CDH4: variants seen among roughly 807,000 people sequenced by gnomAD.
CDH4 encodes cadherin-4.
In CDH4, 33 loss-of-function variants were observed where a neutral mutation model predicts 86.0. The observed-to-expected ratio is 0.38, with a 90% CI of 0.29 to 0.51. The LOEUF is 0.51. Among genes scored for constraint, CDH4 ranks in the 20% least tolerant of loss-of-function variants. The probability of loss-of-function intolerance (pLI) is 0.86; values close to 1 mark genes in which losing one functional copy is unlikely to be tolerated. For synonymous variants in CDH4, 555 were observed against 549.4 expected (o/e 1.01, Z -0.14); for missense variants, 1,114 against 1,307.4 (o/e 0.85, Z 2.28).
At chr20:61,530,299 G>A (rs1181980051) in intron 2 of CDH4, among the ~76,000 whole-genome samples, 2 of 152,138 alleles carry the variant, frequency 1.3e-5, no homozygotes, top group Non-Finnish European at 2.9e-5. Context: ...CAAAGCACTG[G>A]GATTATAGGT....
chr20:61,279,487 C>T (rs1373676878), intron 2 of CDH4, among the ~76,000 whole-genome samples: 1 of 151,904 alleles, frequency 6.6e-6, no homozygotes, highest in Non-Finnish European at 1.5e-5. Flanking sequence ...GGCTCAGCTC[C>T]TAGGGGTGGG....
intron 4 of CDH4, among the ~76,000 whole-genome samples, chr20:61,797,002 G>A (rs921656340): frequency 5.9e-5 from 9 of 152,114 alleles, no homozygotes; most frequent in Non-Finnish European, 1.0e-4. Context: ...GCTCCCCACT[G>A]GGGAGGCAGT....
intron 14 of CDH4, among the ~76,000 whole-genome samples, chr20:61,933,437 G>A (rs73313558): frequency 0.01 from 1,575 of 152,336 alleles, 33 homozygotes; most frequent in African/African-American, 0.036. Context: ...ATGCCCACTC[G>A]CGGATGCTGC....
chr20:61,889,934 G>A (rs1471601661), intron 7 of CDH4, among the ~76,000 whole-genome samples: 1 of 150,090 alleles, frequency 6.7e-6, no homozygotes, highest in Non-Finnish European at 1.5e-5. Flanking sequence ...GATCGATGAT[G>A]GATGAGTGAG....
chr20:61,534,648 C>CTTTCTTTTTTTTTTTTTTTTTTTTTTTT (rs1568881693), intron 2 of CDH4, among the ~76,000 whole-genome samples: 3 of 108,384 alleles, frequency 2.8e-5, no homozygotes, highest in African/African-American at 1.6e-4. Context: ...TTCTTTCTTT[C>CTTTCTTTTTTTTTTTTTTTTTTTTTTTT]TTTTCTTTCT....
chr20:61,317,595 G>A (rs1236999300), intron 2 of CDH4, among the ~76,000 whole-genome samples: 1 of 152,144 alleles, frequency 6.6e-6, no homozygotes, highest in Non-Finnish European at 1.5e-5. Context: ...TGAGTCTGTG[G>A]TGGGGCGTCC....
At chr20:61,293,853 T>C (rs2084336797) in intron 2 of CDH4, among the ~76,000 whole-genome samples, 1 of 152,142 alleles carries the variant, frequency 6.6e-6, no homozygotes, top group African/African-American at 2.4e-5. Flanking sequence ...GGTGGCATCC[T>C]GGGGTGGGAG....
intron 2 of CDH4, among the ~76,000 whole-genome samples, chr20:61,649,364 A>G (rs1004859177): frequency 1.3e-5 from 2 of 152,184 alleles, no homozygotes; most frequent in Non-Finnish European, 2.9e-5. Flanking sequence ...CGTGTAGGCC[A>G]GGTGTGTGGC....
rs1445757964 is a variant in CDH4, at chr20:61,902,622, A to G, written c.1188+7575A>G. 1.3e-5 allele frequency among the ~76,000 whole-genome samples: 2 copies of G among 152,248 alleles called. No individual in the cohort carries two copies. Among genetic ancestry groups the G allele is most frequent in the Non-Finnish European group, 2.9e-5 (2 of 68,030 alleles). On this transcript the variant is annotated intron_variant, in intron 8 of 15. Transcript: ENST00000614565. This position sits in a 1 kb window ranked among gnomAD's most constrained non-coding sequence, Gnocchi z 4.6. ...TCCGAAACTCCGCCATTGTAGGACA[A>G]AAACAACCACAGACAAAACAGAAGC...
chr20:61,671,865 G>T (rs1245361449), intron 2 of CDH4, among the ~76,000 whole-genome samples: 5 of 150,988 alleles, frequency 3.3e-5, no homozygotes, highest in Admixed American at 6.6e-5. Flanking sequence ...TGGATGAATG[G>T]ATGGATGGAT....
chr20:61,692,771 C>T (rs987865151), intron 2 of CDH4, among the ~76,000 whole-genome samples: 2 of 152,126 alleles, frequency 1.3e-5, no homozygotes, highest in African/African-American at 4.8e-5. Flanking sequence ...TGATCAGAAA[C>T]ATTGATTTAG....
At chr20:61,351,099 C>T (rs1037780953) in intron 2 of CDH4, among the ~76,000 whole-genome samples, 3 of 152,148 alleles carry the variant, frequency 2.0e-5, no homozygotes, top group Non-Finnish European at 4.4e-5. Context: ...GCAGCCCGTG[C>T]TCAAGGCCTG....
intron 2 of CDH4, among the ~76,000 whole-genome samples, chr20:61,552,353 A>T (rs1026346128): frequency 6.6e-6 from 1 of 152,248 alleles, no homozygotes; most frequent in Admixed American, 6.5e-5. Flanking sequence ...ATGTCCAATA[A>T]ACACATAAAA....
Position 61,297,934 on chromosome 20 carries a change from C to T in CDH4, c.169+42997C>T, listed in dbSNP as rs541651648. On this transcript the variant is annotated intron_variant, in intron 2 of 15. Transcript: ENST00000614565. Reference sequence around the variant, plus strand: ...TCGCCTGTGGCCGTGGAGGTATCTGCGCCACCGCAAAATGCCTCACCCTTC... The same window carrying T: ...TCGCCTGTGGCCGTGGAGGTATCTGTGCCACCGCAAAATGCCTCACCCTTC... Among the ~76,000 whole-genome samples, 7 of 152,338 alleles carry T rather than the reference C, an allele frequency of 4.6e-5. No individual in the cohort carries two copies. The South Asian group carries it at 1.0e-3, about 23-fold the overall frequency.
chr20:61,716,839 C>T (rs1403224306), intron 2 of CDH4, among the ~76,000 whole-genome samples: 3 of 152,140 alleles, frequency 2.0e-5, no homozygotes, highest in South Asian at 2.1e-4. Context: ...ACCTGGGAGG[C>T]AGAGGTTGCA....
At chr20:61,683,710 T>C (rs561265650) in intron 2 of CDH4, among the ~76,000 whole-genome samples, 1 of 152,376 alleles carries the variant, frequency 6.6e-6, no homozygotes, top group South Asian at 2.1e-4. Context: ...TGGAGGGGCA[T>C]GATCTTTCTG....
intron 2 of CDH4, among the ~76,000 whole-genome samples, chr20:61,608,886 G>A (rs2086664206): frequency 6.6e-6 from 1 of 152,120 alleles, no homozygotes; most frequent in Non-Finnish European, 1.5e-5. Context: ...GAGCCATGCT[G>A]GCAGCTGGGG....
Position 61,773,159 on chromosome 20 carries a change from C to A in CDH4, c.553C>A (p.Pro185Thr), listed in dbSNP as rs573572932. ...CAACGTGCCCGAGAACTCGCGCGGG[C>A]CCTTCCCGCAGCAGCTCGTGAGGGT... ...PINVPENSRGPFPQQLVRIRS... is the reference protein window; with the variant it reads ...PINVPENSRGTFPQQLVRIRS... The change falls in exon 4 of 16, where the codon CCC becomes ACC. Residue 185 changes from proline to threonine, a missense_variant. Transcript: ENST00000614565. 4 of 1,586,906 alleles carry A rather than the reference C, an allele frequency of 2.5e-6. No individual in the cohort carries two copies. Among genetic ancestry groups the A allele is most frequent in the Non-Finnish European group, 3.4e-6 (4 of 1,166,948 alleles).
At chr20:61,785,834 C>G (rs1279834690) in intron 4 of CDH4, among the ~76,000 whole-genome samples, 1 of 152,238 alleles carries the variant, frequency 6.6e-6, no homozygotes, top group Non-Finnish European at 1.5e-5. Context: ...TGCTCCAGCT[C>G]TAGCTGTGCT....
Sources: allele counts gnomAD v4.1 joint callset (sites outside exome capture counted in the v4.1 genomes callset), GRCh38; gene constraint gnomAD v4.1.1; non-coding constraint Gnocchi (gnomAD v3.1); transcripts MANE v1.5; gene names NCBI Gene and HGNC (gene_info 2026-07-23, HGNC 2026-07-21).